Variants in MLH3 observed in about 807,000 individuals in gnomAD.
MLH3 encodes mutL homolog 3.
A neutral mutation model predicts 122.2 loss-of-function variants in MLH3; 82 were observed. The ratio of observed to expected loss-of-function variants is 0.67; its 90% CI spans 0.56 to 0.81. The LOEUF (loss-of-function observed/expected upper bound fraction) is 0.81. Ranked by LOEUF, MLH3 falls within the 30% of genes least tolerant of loss-of-function variation. The pLI, the probability that MLH3 is intolerant of heterozygous loss-of-function variation, is 0.00. For synonymous variants in MLH3, 524 were observed against 599.5 expected, an observed-to-expected ratio of 0.87 and a Z score of 1.84; for missense variants, 1,539 against 1,714.5, an observed-to-expected ratio of 0.90 and a Z score of 1.81.
At chr14:75,029,751 T>C (rs969895307) in intron 9 of MLH3, among the ~76,000 whole-genome samples, 1 of 152,078 alleles carries the variant, frequency 6.6e-6, no homozygotes, top group Admixed American at 6.6e-5. Context: ...GTCAGGCTGG[T>C]CTCGAACTCC....
chr14:75,036,726 C>T, intron 6 of MLH3: 1 of 456,128 alleles, frequency 2.2e-6, no homozygotes, highest in Non-Finnish European at 4.4e-6. Context: ...ACGGGTCCTG[C>T]AACATCATCA....
Position 75,035,392 on chromosome 14 carries a change from G to A in MLH3, c.3644-1902C>T, listed in dbSNP as rs187076919. Among the ~76,000 whole-genome samples the A allele has an allele frequency of 3.7e-4, 56 of 152,126 alleles. 1 individual carries two copies. The East Asian group carries it at 0.01, about 28-fold the overall frequency. On this transcript the variant is annotated intron_variant, in intron 6 of 12. Transcript: ENST00000355774. Reference sequence around the variant, plus strand: ...CAAAATTAGCTGGGCGTGGGTGGCGGGTGCCTGTAATTCCAGCTACTTGGA... The same window carrying A: ...CAAAATTAGCTGGGCGTGGGTGGCGAGTGCCTGTAATTCCAGCTACTTGGA...
rs1396584126 is a variant in MLH3, at chr14:75,015,888, T to C, written c.*1194A>G. 4.4e-6 allele frequency: 1 copy of C among 229,844 alleles called. No individual in the cohort carries two copies. The highest frequency in any genetic ancestry group is 8.6e-6 in the Non-Finnish European group (1 of 116,074). The allele number at this position is 229,844 out of a possible 1,614,324, so 14.2% of individuals were successfully genotyped here. ...CTGTATTAAAAAATGAGGAAAATCA[T>C]TCAATTGATATAAAAGCCACTTTGA... On this transcript the variant is annotated 3_prime_UTR_variant, in exon 13 of 13. Coordinates refer to ENST00000355774, the MANE Select transcript of MLH3 (RefSeq NM_001040108.2).
At position 75,031,801 on chromosome 14, in the gene MLH3, G is replaced by A. The variant is rs867369343; in HGVS notation, c.3827+267C>T. Among the ~76,000 whole-genome samples the A allele has an allele frequency of 2.6e-5, 4 of 152,316 alleles. No individual in the cohort carries two copies. The South Asian group carries it at 8.3e-4, about 32-fold the overall frequency. ...TGCACTCCAGCCTGGACAACAGAGT[G>A]AGACCATGTCTCACAAAATAAATAT... On this transcript the variant is annotated intron_variant, in intron 8 of 12. Transcript: ENST00000355774.
At chr14:75,050,242 C>A (rs1177232974) in intron 1 of MLH3, among the ~76,000 whole-genome samples, 2 of 152,006 alleles carry the variant, frequency 1.3e-5, no homozygotes, top group Non-Finnish European at 2.9e-5. Flanking sequence ...AGATTGGGGG[C>A]ATTAAGAGGT....
Position 75,046,972 on chromosome 14 carries a change from C to T in MLH3, c.2684G>A (p.Arg895His), listed in dbSNP as rs186838169. 4.5e-5 allele frequency: 72 copies of T among 1,614,148 alleles called. No homozygotes were observed. The highest frequency in any genetic ancestry group is 2.7e-4 in the East Asian group (12 of 44,868). Residue 895 changes from arginine to histidine, a missense_variant, in exon 2 of 13, where the codon CGT becomes CAT. Coordinates refer to ENST00000355774, the MANE Select transcript of MLH3 (RefSeq NM_001040108.2). ...RETQTMGMMS[R>H]FNELPNSDSS... ...ATCTGAATTTGGAAGTTCATTAAAA[C>T]GACTCATCATCCCCATTGTTTGAGT...
chr14:75,050,435 T>C (rs145455984), intron 1 of MLH3, among the ~76,000 whole-genome samples: 1 of 152,216 alleles, frequency 6.6e-6, no homozygotes, highest in Non-Finnish European at 1.5e-5. Context: ...AGTCTCACTC[T>C]GTCACCCAGG....
At chr14:75,019,320 G>A (rs968984315) in intron 11 of MLH3, among the ~76,000 whole-genome samples, 5 of 138,088 alleles carry the variant, frequency 3.6e-5, no homozygotes, top group Non-Finnish European at 7.5e-5. Context: ...TGAGGCAGAA[G>A]AATCACTTGA....
chr14:75,025,217 G>C (rs748793548), intron 9 of MLH3, among the ~76,000 whole-genome samples: 1 of 152,098 alleles, frequency 6.6e-6, no homozygotes, highest in South Asian at 2.1e-4. Flanking sequence ...CTCTTCTTCT[G>C]TGTGTAGCCA....
chr14:75,050,251 GTTA>G (rs1031310414), intron 1 of MLH3, among the ~76,000 whole-genome samples: 92 of 152,236 alleles, frequency 6.0e-4, no homozygotes, highest in African/African-American at 2.2e-3. Flanking sequence ...GCATTAAGAG[GTTA>G]TTATTATTAT....
At chr14:75,039,481 C>T (rs1210088799) in intron 5 of MLH3, among the ~76,000 whole-genome samples, 2 of 152,094 alleles carry the variant, frequency 1.3e-5, no homozygotes, top group Admixed American at 6.6e-5. Context: ...TGGGCTTTCC[C>T]AAACCTGTGT....
intron 9 of MLH3, among the ~76,000 whole-genome samples, chr14:75,026,081 T>C (rs182806302): frequency 3.9e-5 from 6 of 152,226 alleles, no homozygotes; most frequent in Admixed American, 3.9e-4. Flanking sequence ...ACCCGTCAGC[T>C]GCTCTCCCTG....
intron 9 of MLH3, among the ~76,000 whole-genome samples, chr14:75,029,972 C>T (rs1423915192): frequency 2.1e-5 from 3 of 143,830 alleles, no homozygotes; most frequent in Non-Finnish European, 4.6e-5. Flanking sequence ...CATAGTGAGG[C>T]CCCCATCTCT....
chr14:75,046,354 C>T, intron 2 of MLH3, 22 bp downstream of exon 2: 1 of 1,613,406 alleles, frequency 6.2e-7, no homozygotes, highest in Non-Finnish European at 8.5e-7. Flanking sequence ...GCATCTCATG[C>T]ACATGAATAC....
In MLH3 at chr14:75,016,310, A is replaced by T. The variant is rs182733472; in HGVS notation, c.*772T>A. 24 of 196,474 alleles carry T rather than the reference A, an allele frequency of 1.2e-4. No individual in the cohort carries two copies. In the East Asian group the frequency reaches 1.9e-3, roughly 16 times the overall value. 12.2% of individuals were successfully genotyped at this position (196,474 alleles called of 1,614,324 possible). On this transcript the variant is annotated 3_prime_UTR_variant, in exon 13 of 13. Coordinates refer to ENST00000355774, the MANE Select transcript of MLH3 (RefSeq NM_001040108.2). ...ATGACAATTGCTTTCACATAAAGAG[A>T]TACTTTATAAAGTACCAAAAAAAAT... is the stretch of plus-strand genomic sequence containing the variant.
intron 2 of MLH3, 130 bp downstream of exon 2, chr14:75,046,246 T>G (rs1892208471): frequency 1.2e-6 from 1 of 857,594 alleles, no homozygotes; most frequent in Non-Finnish European, 1.9e-6. Context: ...AAATACAACA[T>G]ATGTTTTATA....
rs901534385 is a variant in MLH3 at position 75,014,927 on chromosome 14, C to T, written c.*2155G>A. On this transcript the variant is annotated 3_prime_UTR_variant, in exon 13 of 13. Transcript: ENST00000355774. ...CCTTCAGCAAACCAGTTAACAGCTC[C>T]GAGCTTCGAAGTTTTATTATACAAA... The T allele has an allele frequency of 3.3e-5, 6 of 179,542 alleles. No homozygotes were observed. The highest frequency in any genetic ancestry group is 4.7e-5 in the African/African-American group (2 of 42,340). 11.1% of individuals were successfully genotyped at this position (179,542 alleles called of 1,614,324 possible).
In MLH3 at chr14:75,048,823, A is replaced by G. The variant is rs1440358450; in HGVS notation, c.833T>C (p.Ile278Thr). ...IDFLLRKESI[I>T]CKPKNGPTSR... ...GGTGGGACCATTCTTTGGCTTGCATATAATACTTTCTTTCCTTAATAAAAA... is the reference window on the plus strand; with the variant it reads ...GGTGGGACCATTCTTTGGCTTGCATGTAATACTTTCTTTCCTTAATAAAAA... Residue 278 changes from isoleucine (I) to threonine (T), a missense_variant, in exon 2 of 13, where the codon ATA becomes ACA. Ile to Thr is a moderately conservative substitution (Grantham distance 89). Transcript: ENST00000355774. The G allele has an allele frequency of 1.2e-6, 2 of 1,614,068 alleles. No homozygotes were observed. The highest frequency in any genetic ancestry group is 2.7e-5 in the African/African-American group (2 of 74,936).
In MLH3 at chr14:75,030,596, C is replaced by G; in HGVS notation, c.3934G>C (p.Glu1312Gln). 3 of 1,614,116 alleles carry G rather than the reference C, an allele frequency of 1.9e-6. No homozygotes were observed. Among genetic ancestry groups the G allele is most frequent in the Non-Finnish European group, 2.5e-6 (3 of 1,179,970 alleles). ...GKVPLCFVER[E>Q]ANELRRGRST... ...CTTCCTCTCCGAAGTTCATTGGCTT[C>G]TCTTTCCACAAAACATAGTGGTACT... The change falls in exon 9 of 13, where the codon GAA (glutamate) becomes CAA (glutamine). Residue 1312 changes from glutamate to glutamine, a missense_variant. Coordinates refer to ENST00000355774, the MANE Select transcript of MLH3 (RefSeq NM_001040108.2).
Sources: allele counts gnomAD v4.1 joint callset (sites outside exome capture counted in the v4.1 genomes callset), GRCh38; gene constraint gnomAD v4.1.1; transcripts MANE v1.5; gene names NCBI Gene and HGNC (gene_info 2026-07-23, HGNC 2026-07-21).